The following IDE variants were observed in gnomAD, a reference collection of about 807,000 sequenced individuals.
The protein encoded by IDE is insulin-degrading enzyme.
Under a neutral mutation model 133.2 loss-of-function variants are expected in IDE, and 58 were observed. That is an observed-to-expected ratio of 0.44 (90% CI 0.35 to 0.54). The LOEUF is 0.54. Among genes scored for constraint, IDE ranks in the 20% least tolerant of loss-of-function variants. The probability of loss-of-function intolerance (pLI) is 0.00; values close to 1 mark genes in which losing one functional copy is unlikely to be tolerated. For missense variants in IDE, 981 were observed against 1,234.0 expected (o/e 0.79, Z 3.07); for synonymous variants, 396 against 421.3 (o/e 0.94, Z 0.73).
At chr10:92,484,105 T>C (rs1372425157) in intron 13 of IDE, among the ~76,000 whole-genome samples, 1 of 152,156 alleles carries the variant, frequency 6.6e-6, no homozygotes, top group Non-Finnish European at 1.5e-5. Context: ...GCTGGATTCC[T>C]GACCCTCCTC....
At chr10:92,572,751 A>C (rs1259472453) in intron 1 of IDE, among the ~76,000 whole-genome samples, 2 of 152,146 alleles carry the variant, frequency 1.3e-5, no homozygotes, top group Non-Finnish European at 2.9e-5. Flanking sequence ...TAATCGGCTC[A>C]CTGCTCCCCC....
At chr10:92,524,231 G>A (rs954373036) in intron 4 of IDE, among the ~76,000 whole-genome samples, 3 of 139,710 alleles carry the variant, frequency 2.1e-5, no homozygotes, top group Non-Finnish European at 4.5e-5. Context: ...CTTGAACCCG[G>A]GAAGTGGAGG....
chr10:92,509,270 A>G (rs1427310581), intron 6 of IDE, among the ~76,000 whole-genome samples: 1 of 152,162 alleles, frequency 6.6e-6, no homozygotes, highest in African/African-American at 2.4e-5. Context: ...TAAATGTGAG[A>G]TTGATTTTAT....
At chr10:92,534,263 T>C (rs993068073) in intron 3 of IDE, among the ~76,000 whole-genome samples, 20 of 152,230 alleles carry the variant, frequency 1.3e-4, no homozygotes, top group African/African-American at 4.8e-4. Flanking sequence ...TTTAGCATTC[T>C]GGAACAGAAG....
At chr10:92,564,736 G>A (rs900697213) in intron 1 of IDE, among the ~76,000 whole-genome samples, 21 of 114,094 alleles carry the variant, frequency 1.8e-4, no homozygotes, top group Middle Eastern at 7.2e-3. Flanking sequence ...ATGTCCATAG[G>A]ACCATAAGAT....
At position 92,572,306 on chromosome 10, in the gene IDE, G is replaced by A. The variant is rs550621038; in HGVS notation, c.98+1616C>T. Among the ~76,000 whole-genome samples the A allele has an allele frequency of 4.6e-5, 7 of 152,290 alleles. No homozygotes were observed. The East Asian group carries it at 1.3e-3, about 29-fold the overall frequency. The stretch of plus-strand genomic sequence containing the variant: ...AGACTGACACAAAAGAGGACAAAAG[G>A]AGGCATCCTGCCTGTGCTTACCACC... On this transcript the variant is annotated intron_variant, in intron 1 of 24. Coordinates refer to ENST00000265986, the MANE Select transcript of IDE (RefSeq NM_004969.4).
rs201935226 is a variant in IDE, at chr10:92,456,304, G to C, written c.2896+55C>G. ...CTATAAGGCATGTAGCTATGACAAA[G>C]GCCAACCATCAGATGGCTCAACATG... On this transcript the variant is annotated intron_variant, in intron 23 of 24. Transcript: ENST00000265986. 38 of 1,249,710 alleles carry C rather than the reference G, an allele frequency of 3.0e-5. No individual in the cohort carries two copies. The East Asian group carries it at 7.6e-4, about 25-fold the overall frequency. The allele number at this position is 1,249,710 out of a possible 1,614,324, so 77.4% of individuals were successfully genotyped here.
chr10:92,561,187 C>T (rs563426047), intron 1 of IDE, among the ~76,000 whole-genome samples: 7 of 151,730 alleles, frequency 4.6e-5, no homozygotes, highest in South Asian at 2.1e-4. Flanking sequence ...ACCTGGGAGG[C>T]GGAGGTTGCA....
At chr10:92,560,261 G>C (rs1411765899) in intron 1 of IDE, among the ~76,000 whole-genome samples, 1 of 152,126 alleles carries the variant, frequency 6.6e-6, no homozygotes, top group Non-Finnish European at 1.5e-5. Context: ...AGATAGTCTT[G>C]TCTATTTGGC....
chr10:92,479,612 T>C, intron 14 of IDE, 191 bp from the exon 15 acceptor site: 1 of 142,152 alleles, frequency 7.0e-6, no homozygotes, highest in Non-Finnish European at 1.5e-5. Flanking sequence ...TGTGTGTGAG[T>C]GTGTGTGTGT....
At chr10:92,563,187 G>A (rs1426413762) in intron 1 of IDE, among the ~76,000 whole-genome samples, 1 of 152,098 alleles carries the variant, frequency 6.6e-6, no homozygotes, top group Non-Finnish European at 1.5e-5. Flanking sequence ...GGACGCGGAG[G>A]TTGCAGTGAG....
chr10:92,499,146 G>C (rs182315854), intron 11 of IDE, among the ~76,000 whole-genome samples: 131 of 152,168 alleles, frequency 8.6e-4, no homozygotes, highest in Non-Finnish European at 1.5e-3. Context: ...TATCACTTAA[G>C]AGCGGTTTTT....
chr10:92,544,713 A>C (rs1429442358), intron 1 of IDE, among the ~76,000 whole-genome samples: 3 of 152,260 alleles, frequency 2.0e-5, no homozygotes, highest in Non-Finnish European at 2.9e-5. Context: ...GCTCCAAGGA[A>C]AGTTTTCAGT....
chr10:92,546,948 A>G (rs558650261), intron 1 of IDE, among the ~76,000 whole-genome samples: 2 of 152,362 alleles, frequency 1.3e-5, no homozygotes, highest in African/African-American at 2.4e-5. Flanking sequence ...TTTTTAAAAC[A>G]AAATTAAAAG....
chr10:92,510,285 T>C (rs927360723), intron 5 of IDE, 123 bp from the exon 6 acceptor site: 3 of 499,328 alleles, frequency 6.0e-6, no homozygotes, highest in African/African-American at 3.9e-5. Flanking sequence ...GTGAAAATGA[T>C]TACACCTCAC....
At position 92,555,994 on chromosome 10, in the gene IDE, A is replaced by C. The variant is rs944627270; in HGVS notation, c.98+17928T>G. The stretch of plus-strand genomic sequence containing the variant: ...CGAGACCATCCTGGCTAACAAGGTG[A>C]AACCCCGTCTCTACTAAAAATACAA... On this transcript the variant is annotated intron_variant, in intron 1 of 24. Transcript: ENST00000265986. Among the ~76,000 whole-genome samples the C allele has an allele frequency of 1.1e-4, 16 of 151,918 alleles. No individual in the cohort carries two copies. The East Asian group carries it at 3.1e-3, about 30-fold the overall frequency.
chr10:92,563,753 C>CA (rs1254395887), intron 1 of IDE, among the ~76,000 whole-genome samples: 50 of 130,538 alleles, frequency 3.8e-4, no homozygotes, highest in East Asian at 3.0e-3. Flanking sequence ...GACTCCGTCT[C>CA]AAAAAAAAAA....
intron 15 of IDE, among the ~76,000 whole-genome samples, chr10:92,478,091 T>C (rs943984353): frequency 6.6e-6 from 1 of 152,226 alleles, no homozygotes; most frequent in African/African-American, 2.4e-5. Flanking sequence ...TAACTCGGAA[T>C]TGAGATATAA....
At chr10:92,472,271 C>A (rs1254150454) in intron 17 of IDE, among the ~76,000 whole-genome samples, 1 of 152,190 alleles carries the variant, frequency 6.6e-6, no homozygotes, top group Non-Finnish European at 1.5e-5. Context: ...TGCCATCTGA[C>A]CTAGATTCTA....
Sources: allele counts gnomAD v4.1 joint callset (sites outside exome capture counted in the v4.1 genomes callset), GRCh38; gene constraint gnomAD v4.1.1; transcripts MANE v1.5; gene names NCBI Gene and HGNC (gene_info 2026-07-23, HGNC 2026-07-21).